The following MACROD2 variants were observed in gnomAD, a reference collection of about 807,000 sequenced individuals.
MACROD2 encodes ADP-ribose glycohydrolase MACROD2.
A neutral mutation model predicts 70.4 loss-of-function variants in MACROD2; 36 were observed. That is an observed-to-expected ratio of 0.51 (90% CI 0.39 to 0.68). The LOEUF (loss-of-function observed/expected upper bound fraction) is 0.68, where lower values mean the gene tolerates loss of function less well. Ranked by LOEUF, MACROD2 falls within the 30% of genes least tolerant of loss-of-function variation. The pLI, the probability that MACROD2 is intolerant of heterozygous loss-of-function variation, is 0.00. For missense variants in MACROD2, 496 were observed against 538.4 expected, an observed-to-expected ratio of 0.92 and a Z score of 0.78; for synonymous variants, 172 against 178.8, an observed-to-expected ratio of 0.96 and a Z score of 0.30.
intron 3 of MACROD2, among the ~76,000 whole-genome samples, chr20:14,118,774 A>C (rs2054544142): frequency 6.6e-6 from 1 of 150,904 alleles, no homozygotes; most frequent in Non-Finnish European, 1.5e-5. Context: ...ATTAGTTTTC[A>C]TATTTCTTCC....
chr20:16,025,839 C>G, intron 15 of MACROD2, among the ~76,000 whole-genome samples: 1 of 151,974 alleles, frequency 6.6e-6, no homozygotes, highest in Non-Finnish European at 1.5e-5. Flanking sequence ...AGCAGGGCCA[C>G]AGAGTGATCC....
chr20:14,832,753 T>A (rs2072986001), intron 5 of MACROD2, among the ~76,000 whole-genome samples: 1 of 152,174 alleles, frequency 6.6e-6, no homozygotes, highest in African/African-American at 2.4e-5. Flanking sequence ...GAGCAGAGCC[T>A]GAGTCAAGAT....
At chr20:13,999,370 A>G (rs1483899747) in intron 1 of MACROD2, among the ~76,000 whole-genome samples, 5 of 152,220 alleles carry the variant, frequency 3.3e-5, no homozygotes, top group African/African-American at 1.2e-4. Context: ...AATGAAACTA[A>G]TGTTCCTGAA....
At chr20:14,421,817 CATT>C (rs1231916745) in intron 3 of MACROD2, among the ~76,000 whole-genome samples, 4 of 151,880 alleles carry the variant, frequency 2.6e-5, no homozygotes, top group African/African-American at 9.7e-5. Flanking sequence ...TGTGGCTTAA[CATT>C]ATTGTCTGTT....
rs558429679 is a variant in MACROD2 at position 14,964,986 on chromosome 20, G to A, written c.419-264954G>A. Among the ~76,000 whole-genome samples the A allele has an allele frequency of 9.8e-5, 15 of 152,322 alleles. No homozygotes were observed. The South Asian group carries it at 2.3e-3, about 23-fold the overall frequency. The stretch of plus-strand genomic sequence containing the variant: ...GTTTTGTTAAGTATTGAGGGATATG[G>A]AATTAGAAATAATAGTACAGTTGAG... On this transcript the variant is annotated intron_variant, in intron 5 of 17. Transcript: ENST00000684519.
At chr20:14,788,767 T>TTG (rs1555830459) in intron 5 of MACROD2, among the ~76,000 whole-genome samples, 5 of 118,234 alleles carry the variant, frequency 4.2e-5, no homozygotes, top group African/African-American at 1.6e-4. Context: ...GGTGGTGTTT[T>TTG]TTTTTTTTTT....
chr20:14,116,818 C>A (rs987378843), intron 3 of MACROD2, among the ~76,000 whole-genome samples: 1 of 151,996 alleles, frequency 6.6e-6, no homozygotes, highest in Non-Finnish European at 1.5e-5. Flanking sequence ...CCTGTAATCC[C>A]AGCACTTTGG....
chr20:14,207,289 A>C (rs566631256), intron 3 of MACROD2, among the ~76,000 whole-genome samples: 72 of 151,970 alleles, frequency 4.7e-4, no homozygotes, highest in Non-Finnish European at 7.9e-4. Flanking sequence ...TTTAGTAGAG[A>C]CGGGGTTTCA....
intron 6 of MACROD2, among the ~76,000 whole-genome samples, chr20:15,327,301 CATG>C (rs2077941009): frequency 6.6e-6 from 1 of 152,166 alleles, no homozygotes; most frequent in African/African-American, 2.4e-5. Flanking sequence ...GCACCTCTCA[CATG>C]ATGGTCACGT....
chr20:14,285,382 C>G (rs576213565), intron 3 of MACROD2, among the ~76,000 whole-genome samples: 3 of 152,276 alleles, frequency 2.0e-5, no homozygotes, highest in Admixed American at 2.0e-4. Context: ...GAATTTTCCA[C>G]TTGTGATGTC....
At chr20:15,149,483 T>C (rs944830782) in intron 5 of MACROD2, among the ~76,000 whole-genome samples, 2 of 96,712 alleles carry the variant, frequency 2.1e-5, no homozygotes, top group Non-Finnish European at 4.6e-5. Context: ...TCTGGAATAA[T>C]GTGGGAGGTC....
intron 5 of MACROD2, among the ~76,000 whole-genome samples, chr20:14,970,011 A>G (rs1430249935): frequency 1.3e-5 from 2 of 152,130 alleles, no homozygotes; most frequent in Non-Finnish European, 2.9e-5. Context: ...TAGTTGTATT[A>G]GTCCATTCTC....
chr20:15,838,916 CCAGA>C (rs10552342), intron 8 of MACROD2, among the ~76,000 whole-genome samples: 30,070 of 151,788 alleles, frequency 0.2, 3,866 homozygotes, highest in African/African-American at 0.36. Flanking sequence ...AATGGAAAGC[CCAGA>C]CAGTTTGGAG....
At position 14,789,610 on chromosome 20, in the gene MACROD2, A is replaced by G. The variant is rs567434701; in HGVS notation, c.418+104651A>G. 6.3e-4 allele frequency among the ~76,000 whole-genome samples: 95 copies of G among 151,070 alleles called. 1 individual carries two copies. In the South Asian group the frequency reaches 0.019, roughly 30 times the overall value. On this transcript the variant is annotated intron_variant, in intron 5 of 17. Coordinates refer to ENST00000684519, the MANE Select transcript of MACROD2 (RefSeq NM_001351661.2). ...CCTGCCTCAGCTTCCTGAGTAGCTGAGATTACAGGAAGTAGCCACCATGCC... is the reference window on the plus strand; with the variant it reads ...CCTGCCTCAGCTTCCTGAGTAGCTGGGATTACAGGAAGTAGCCACCATGCC...
intron 8 of MACROD2, among the ~76,000 whole-genome samples, chr20:15,678,662 G>C (rs1030055610): frequency 6.6e-6 from 1 of 152,082 alleles, no homozygotes; most frequent in Non-Finnish European, 1.5e-5. Context: ...CCTATGCCTA[G>C]TTCACTATAT....
chr20:15,008,582 G>A (rs969208333), intron 5 of MACROD2, among the ~76,000 whole-genome samples: 2 of 152,082 alleles, frequency 1.3e-5, no homozygotes, highest in South Asian at 2.1e-4. Context: ...GGATGCACAC[G>A]CAGATAACTG....
At chr20:14,567,093 G>T (rs1342322052) in intron 4 of MACROD2, among the ~76,000 whole-genome samples, 2 of 151,856 alleles carry the variant, frequency 1.3e-5, no homozygotes, top group South Asian at 4.1e-4. Flanking sequence ...TAGTAGCTAG[G>T]ACTACAGGTG....
At chr20:14,754,143 T>C (rs1200811331) in intron 5 of MACROD2, among the ~76,000 whole-genome samples, 1 of 152,132 alleles carries the variant, frequency 6.6e-6, no homozygotes, top group African/African-American at 2.4e-5. Context: ...GTTACCATGT[T>C]GTATGCCAGA....
At chr20:15,952,961 A>C (rs2065926642) in intron 12 of MACROD2, among the ~76,000 whole-genome samples, 1 of 151,998 alleles carries the variant, frequency 6.6e-6, no homozygotes, top group African/African-American at 2.4e-5. Context: ...AAACTCTCCC[A>C]TTTCTGTGGG....
Sources: gnomAD v4.1 joint callset for allele counts (sites outside exome capture counted in the v4.1 genomes callset) on GRCh38, gnomAD v4.1.1 for gene constraint, MANE v1.5 for transcripts, NCBI Gene and HGNC (gene_info 2026-07-23, HGNC 2026-07-21) for gene names.